The following C1QBP variants were observed in gnomAD, a reference collection of about 807,000 sequenced individuals.
C1QBP encodes complement C1q binding protein.
C1QBP carries 24 observed loss-of-function variants against 29.4 expected under a neutral mutation model. That is an observed-to-expected ratio of 0.82 (90% CI 0.59 to 1.15). The LOEUF (loss-of-function observed/expected upper bound fraction) is 1.15. Among genes scored for constraint, C1QBP ranks in the 50% most tolerant of loss-of-function variants. The pLI, the probability that C1QBP is intolerant of heterozygous loss-of-function variation, is 0.00. For missense variants in C1QBP, 337 were observed against 355.8 expected (o/e 0.95, Z 0.43); for synonymous variants, 182 against 149.2 (o/e 1.22, Z -1.60).
intron 2 of C1QBP, among the ~76,000 whole-genome samples, chr17:5,437,016 G>A (rs182625546): frequency 5.3e-5 from 8 of 152,094 alleles, no homozygotes; most frequent in Non-Finnish European, 2.9e-5. Context: ...GGTTGGGGGG[G>A]GAAGCTACAA....
rs1297467619 is a variant in C1QBP at position 5,438,441 on chromosome 17, G to A, written c.233-168C>T. 7 of 876,692 alleles carry A rather than the reference G, an allele frequency of 8.0e-6. No homozygotes were observed. The African/African-American group carries it at 1.2e-4, about 15-fold the overall frequency. 54.3% of individuals were successfully genotyped at this position (876,692 alleles called of 1,614,324 possible). A position where few individuals can be genotyped will look rare whatever the true frequency, so the allele number is the denominator to read the frequency against. ...CGGTAAAAATACCATAATAGTAGTA[G>A]GAAGCTGAGCCTGATTCTGGAAAAG... On this transcript the variant is annotated intron_variant, in intron 1 of 5. Coordinates refer to ENST00000225698, the MANE Select transcript of C1QBP (RefSeq NM_001212.4).
rs1197144448 is a variant in C1QBP, at chr17:5,438,884, G to A, written c.190C>T (p.Pro64Ser). 15 of 1,542,942 alleles carry A rather than the reference G, an allele frequency of 9.7e-6. No homozygotes were observed. The highest frequency in any genetic ancestry group is 1.2e-5 in the Non-Finnish European group (14 of 1,144,334). ...RRPGLLRPRGPCACGCGCGSL... is the reference protein window; with the variant it reads ...RRPGLLRPRGSCACGCGCGSL... ...CCGCAGCCACAGCCACAGGCGCAGG[G>A]TCCGCGAGGCCGCAGGAGGCCCGGC... Residue 64 changes from proline (P) to serine (S), a missense_variant, in exon 1 of 6, where the codon CCC becomes TCC. Physicochemically the swap from Pro to Ser is moderately conservative, Grantham distance 74 (BLOSUM62 -1). Coordinates refer to ENST00000225698, the MANE Select transcript of C1QBP (RefSeq NM_001212.4).
At chr17:5,436,962 G>A (rs1916289594) in intron 2 of C1QBP, among the ~76,000 whole-genome samples, 1 of 152,144 alleles carries the variant, frequency 6.6e-6, no homozygotes. Flanking sequence ...AGCCAAGATC[G>A]CACCACTGCA....
Position 5,438,992 on chromosome 17 carries a change from A to T in C1QBP, c.82T>A (p.Phe28Ile). The T allele has an allele frequency of 1.3e-6, 2 of 1,503,326 alleles. No homozygotes were observed. The highest frequency in any genetic ancestry group is 1.8e-6 in the Non-Finnish European group (2 of 1,128,550). 93.1% of individuals were successfully genotyped at this position (1,503,326 alleles called of 1,614,324 possible). The stretch of plus-strand genomic sequence containing the variant: ...GGTGCCGGCTGCAGGAGCTGCCGGA[A>T]AGGCGAGGCGGGCGCGGCAGCGCGG... Reference protein sequence around the residue: ...GLRAAAPASPFRQLLQPAPRL... With the variant: ...GLRAAAPASPIRQLLQPAPRL... The change falls in exon 1 of 6, where the codon TTC becomes ATC. Residue 28 changes from phenylalanine to isoleucine, a missense_variant. Phe to Ile is a conservative substitution (Grantham distance 21, BLOSUM62 0). Transcript: ENST00000225698.
At chr17:5,436,061 AAAAG>A (rs1916265046) in intron 2 of C1QBP, among the ~76,000 whole-genome samples, 1 of 148,592 alleles carries the variant, frequency 6.7e-6, no homozygotes, top group South Asian at 2.1e-4. Context: ...AAAAAAAAAA[AAAAG>A]AGTACATGAA....
At position 5,435,874 on chromosome 17, in the gene C1QBP, CAAAAAAAAAA is replaced by C. The variant is rs200057698; in HGVS notation, c.384-918_384-909del. 4.7e-5 allele frequency among the ~76,000 whole-genome samples: 5 copies of C among 105,652 alleles called. 1 individual carries two copies. The highest frequency in any genetic ancestry group is 1.6e-4 in the African/African-American group (4 of 24,530). The allele number at this position is 105,652 out of a possible 152,430, so 69.3% of individuals were successfully genotyped here. On this transcript the variant is annotated intron_variant, in intron 2 of 5. Coordinates refer to ENST00000225698, the MANE Select transcript of C1QBP (RefSeq NM_001212.4). ...GAAACTCCATCTCTACTAAAAAATA[CAAAAAAAAAA>C]AAAAAAAAAAAATTAGCTGGGCGTG... is the stretch of plus-strand genomic sequence containing the variant.
chr17:5,435,019 AC>A (rs1274824222), intron 2 of C1QBP, 53 bp from the exon 3 acceptor site: 3 of 1,471,306 alleles, frequency 2.0e-6, no homozygotes, highest in Non-Finnish European at 9.5e-7. Flanking sequence ...CATGGTTTTA[AC>A]CGAGCAGGTT....
chr17:5,434,769 A>G, intron 3 of C1QBP, 104 bp downstream of exon 3: 2 of 1,028,588 alleles, frequency 1.9e-6, no homozygotes, highest in Non-Finnish European at 2.9e-6. Context: ...CTGGACTTAG[A>G]GGAATTTTTT....
rs1916157281 is a variant in C1QBP at position 5,433,326 on chromosome 17, A to G, written c.666T>C (p.Thr222=). 6.2e-7 allele frequency: 1 copy of G among 1,614,066 alleles called. No individual in the cohort carries two copies. The highest frequency in any genetic ancestry group is 1.3e-5 in the African/African-American group (1 of 74,918). Residue 222 remains threonine, a synonymous_variant, in exon 5 of 6, where the codon ACT becomes ACC. Coordinates refer to ENST00000225698, the MANE Select transcript of C1QBP (RefSeq NM_001212.4). ...QSTGESEWKD[T]NYTLNTDSLD... is the part of the protein sequence containing the mutation. ...AGGAATCTGTGTTGAGTGTATAATT[A>G]GTATCCTTCCATTCAGACTCGCCAG...
chr17:5,436,044 G>GA (rs556979926), intron 2 of C1QBP, among the ~76,000 whole-genome samples: 6,702 of 85,224 alleles, frequency 0.079, 451 homozygotes, highest in Middle Eastern at 0.12. Flanking sequence ...GACTCTGTCA[G>GA]AAAAAAAAAA....
intron 2 of C1QBP, among the ~76,000 whole-genome samples, chr17:5,435,953 G>A (rs1251075781): frequency 6.7e-6 from 1 of 149,094 alleles, no homozygotes; most frequent in African/African-American, 2.5e-5. Context: ...GGCTGAGGCA[G>A]GAGAATTGCT....
intron 2 of C1QBP, 118 bp downstream of exon 2, chr17:5,438,005 T>C (rs778948486): frequency 2.9e-6 from 4 of 1,356,132 alleles, no homozygotes; most frequent in Non-Finnish European, 3.9e-6. Context: ...TTCACTCTCT[T>C]GAAACCCATT....
In C1QBP at chr17:5,439,022, C is replaced by G. The variant is rs1474752580; in HGVS notation, c.52G>C (p.Gly18Arg). ...GAGGCGGGCGCGGCAGCGCGGAGGC[C>G]GGCGACGGAGGAGCCCAGCACACGG... ...VPRVLGSSVA[G>R]LRAAAPASPF... The change falls in exon 1 of 6, where the codon GGC (glycine) becomes CGC (arginine). Residue 18 changes from glycine to arginine, a missense_variant. Gly to Arg is a moderately radical substitution (Grantham distance 125, BLOSUM62 -2). Transcript: ENST00000225698. The G allele has an allele frequency of 2.7e-6, 4 of 1,505,694 alleles. No individual in the cohort carries two copies. Among genetic ancestry groups the G allele is most frequent in the East Asian group, 2.8e-5 (1 of 35,858 alleles). 93.3% of individuals were successfully genotyped at this position (1,505,694 alleles called of 1,614,324 possible).
chr17:5,438,760 G>A, intron 1 of C1QBP, 82 bp downstream of exon 1: 1 of 1,542,904 alleles, frequency 6.5e-7, no homozygotes, highest in African/African-American at 1.4e-5. Context: ...CCAGACCTCA[G>A]AGGTCGGTTG....
At chr17:5,435,027 G>T in intron 2 of C1QBP, 61 bp from the exon 3 acceptor site, 1 of 1,386,834 alleles carries the variant, frequency 7.2e-7, no homozygotes, top group Non-Finnish European at 1.0e-6. Flanking sequence ...TAACCGAGCA[G>T]GTTAACACAT....
At chr17:5,434,804 G>A (rs896227190) in intron 3 of C1QBP, 69 bp downstream of exon 3, 22 of 1,387,946 alleles carry the variant, frequency 1.6e-5, no homozygotes, top group Admixed American at 7.8e-5. Context: ...AAAGAAAAAC[G>A]CTCCTCCTCT....
At chr17:5,435,017 T>A in intron 2 of C1QBP, 51 bp from the exon 3 acceptor site, 7 of 1,477,232 alleles carry the variant, frequency 4.7e-6, no homozygotes, top group Non-Finnish European at 6.6e-6. Context: ...GGCATGGTTT[T>A]AACCGAGCAG....
chr17:5,437,525 T>C (rs1916307023), intron 2 of C1QBP, among the ~76,000 whole-genome samples: 1 of 152,152 alleles, frequency 6.6e-6, no homozygotes, highest in Non-Finnish European at 1.5e-5. Flanking sequence ...GCCAGGGTTT[T>C]AGTGTTAGCC....
Position 5,439,122 on chromosome 17 carries a change from T to G in C1QBP, c.-49A>C. ...GCAGATGCAAAGGACAACCCAGGCC[T>G]AGGCGCCCCGCGACCTGAGGCGCCG... On this transcript the variant is annotated 5_prime_UTR_variant, in exon 1 of 6. Transcript: ENST00000225698. The G allele has an allele frequency of 1.3e-6, 2 of 1,534,230 alleles. No homozygotes were observed. Among genetic ancestry groups the G allele is most frequent in the African/African-American group, 1.4e-5 (1 of 71,302 alleles).
Sources: allele counts gnomAD v4.1 joint callset (sites outside exome capture counted in the v4.1 genomes callset), GRCh38; gene constraint gnomAD v4.1.1; transcripts MANE v1.5; gene names NCBI Gene and HGNC (gene_info 2026-07-23, HGNC 2026-07-21).